Variants in SEPHS1 observed in about 807,000 individuals in gnomAD.
SEPHS1 encodes selenophosphate synthetase 1.
In SEPHS1, 7 loss-of-function variants were observed where a neutral mutation model predicts 39.2. The ratio of observed to expected loss-of-function variants is 0.18; its 90% CI spans 0.10 to 0.34. The LOEUF is 0.34. Ranked by LOEUF, SEPHS1 falls within the 10% of genes least tolerant of loss-of-function variation. The pLI is 1.00. For missense variants in SEPHS1, 253 were observed against 514.5 expected (o/e 0.49, Z 4.92); for synonymous variants, 190 against 195.5 (o/e 0.97, Z 0.23).
intron 7 of SEPHS1, among the ~76,000 whole-genome samples, chr10:13,325,000 T>C (rs548640676): frequency 6.6e-5 from 10 of 152,344 alleles, no homozygotes; most frequent in Non-Finnish European, 1.0e-4. Context: ...GGGCCATGTT[T>C]AAATTGAGTT....
chr10:13,331,033 G>A (rs1336398519), intron 5 of SEPHS1, among the ~76,000 whole-genome samples: 2 of 151,950 alleles, frequency 1.3e-5, no homozygotes, highest in Non-Finnish European at 2.9e-5. Flanking sequence ...CCCGCCCTGT[G>A]TCCAAGTGTT....
chr10:13,342,629 CAT>C (rs1833825200), intron 2 of SEPHS1, among the ~76,000 whole-genome samples: 1 of 152,082 alleles, frequency 6.6e-6, no homozygotes. Flanking sequence ...ACATATATAC[CAT>C]ATATACTTGT....
intron 2 of SEPHS1, 159 bp from the exon 3 acceptor site, chr10:13,338,967 T>C: frequency 1.6e-6 from 1 of 633,860 alleles, no homozygotes; most frequent in South Asian, 1.9e-5. Flanking sequence ...GTAACTGAAA[T>C]AAACGTGAAA....
chr10:13,321,077 C>G (rs1588530847), intron 8 of SEPHS1, among the ~76,000 whole-genome samples: 1 of 151,998 alleles, frequency 6.6e-6, no homozygotes, highest in South Asian at 2.1e-4. Context: ...AGTCCTGAAG[C>G]CCCCTCGCCA....
At chr10:13,342,000 C>T (rs1247928334) in intron 2 of SEPHS1, among the ~76,000 whole-genome samples, 1 of 146,286 alleles carries the variant, frequency 6.8e-6, no homozygotes, top group African/African-American at 2.5e-5. Flanking sequence ...AAAAAGATGG[C>T]GGGGCGCGGT....
chr10:13,347,820 A>G (rs1432811610), intron 1 of SEPHS1, among the ~76,000 whole-genome samples, 180 bp downstream of exon 1: 3 of 134,462 alleles, frequency 2.2e-5, no homozygotes, highest in Non-Finnish European at 4.8e-5. Flanking sequence ...TCTTTTTTAA[A>G]GCGGCCCCAC....
chr10:13,333,484 AGGCTAGAGTGCAGG>A (rs1239502880), intron 5 of SEPHS1, among the ~76,000 whole-genome samples: 1 of 150,792 alleles, frequency 6.6e-6, no homozygotes, highest in Non-Finnish European at 1.5e-5. Flanking sequence ...TCTGTTGCCC[AGGCTAGAGTGCAGG>A]GGCATGATCT....
chr10:13,346,376 C>A (rs901364240), intron 1 of SEPHS1, among the ~76,000 whole-genome samples: 4 of 152,148 alleles, frequency 2.6e-5, no homozygotes, highest in African/African-American at 9.7e-5. Flanking sequence ...TAGAGTTTTC[C>A]ATCCCTTGGG....
At chr10:13,342,614 C>T (rs1833824684) in intron 2 of SEPHS1, among the ~76,000 whole-genome samples, 1 of 152,140 alleles carries the variant, frequency 6.6e-6, no homozygotes, top group Non-Finnish European at 1.5e-5. Flanking sequence ...GTCAAAAACA[C>T]CCATACATAT....
At chr10:13,342,609 A>T (rs1021790305) in intron 2 of SEPHS1, among the ~76,000 whole-genome samples, 1 of 152,206 alleles carries the variant, frequency 6.6e-6, no homozygotes, top group Non-Finnish European at 1.5e-5. Context: ...AAAAGGTCAA[A>T]AACACCCATA....
At chr10:13,323,637 G>A (rs1333752240) in intron 7 of SEPHS1, among the ~76,000 whole-genome samples, 1 of 152,164 alleles carries the variant, frequency 6.6e-6, no homozygotes, top group East Asian at 1.9e-4. Flanking sequence ...ACAGATGTGA[G>A]CCACCACACC....
intron 8 of SEPHS1, chr10:13,322,202 C>T (rs1283102398): frequency 3.7e-5 from 13 of 347,058 alleles, no homozygotes; most frequent in East Asian, 8.6e-5. Flanking sequence ...AGTGCAGTGG[C>T]GCAATCTCGG....
chr10:13,329,855 C>T (rs61851591), intron 5 of SEPHS1, 67 bp from the exon 6 acceptor site: 1 of 1,257,632 alleles, frequency 8.0e-7, no homozygotes, highest in Non-Finnish European at 1.1e-6. Flanking sequence ...GTTATTAACA[C>T]AAGAGAAGGA....
chr10:13,333,178 G>A (rs1833520692), intron 5 of SEPHS1, among the ~76,000 whole-genome samples: 1 of 150,682 alleles, frequency 6.6e-6, no homozygotes, highest in Admixed American at 6.6e-5. Context: ...TTGTTGCCCA[G>A]GCTGGAGTGC....
Position 13,336,281 on chromosome 10 carries a change from G to C in SEPHS1, c.367C>G (p.Leu123Val). Residue 123 changes from leucine (L) to valine (V), a missense_variant, in exon 4 of 9, where the codon CTG becomes GTG. Coordinates refer to ENST00000327347, the MANE Select transcript of SEPHS1 (RefSeq NM_012247.5). ...TTATTACTGACTCCAAGGAGCATCA[G>C]CATATTGTCACATTCCGTGACCCCC... is the stretch of plus-strand genomic sequence containing the variant. ...AMGVTECDNM[L>V]MLLGVSNKMT... is the part of the protein sequence containing the mutation. 6.2e-7 allele frequency: 1 copy of C among 1,613,944 alleles called. No individual in the cohort carries two copies. Among genetic ancestry groups the C allele is most frequent in the Non-Finnish European group, 8.5e-7 (1 of 1,179,826 alleles).
chr10:13,335,863 C>T (rs1833613235), intron 4 of SEPHS1, among the ~76,000 whole-genome samples: 2 of 151,046 alleles, frequency 1.3e-5, no homozygotes, highest in South Asian at 4.2e-4. Flanking sequence ...GCCTGTAATC[C>T]CAGCTACTTG....
At chr10:13,341,142 G>A (rs2130691137) in intron 2 of SEPHS1, among the ~76,000 whole-genome samples, 1 of 152,252 alleles carries the variant, frequency 6.6e-6, no homozygotes, top group Admixed American at 6.5e-5. Flanking sequence ...CTGGTCTACA[G>A]TGATTGGTTT....
intron 5 of SEPHS1, 128 bp from the exon 6 acceptor site, chr10:13,329,916 A>G: frequency 1.3e-6 from 1 of 764,226 alleles, no homozygotes; most frequent in Non-Finnish European, 2.2e-6. Context: ...ATTGAAGCCA[A>G]CTACCAGCAT....
In SEPHS1 at chr10:13,343,713, C is replaced by T. The variant is rs1168984457; in HGVS notation, c.193+1045G>A. Among the ~76,000 whole-genome samples, 6 of 152,156 alleles carry T rather than the reference C, an allele frequency of 3.9e-5. No individual in the cohort carries two copies. The South Asian group carries it at 1.0e-3, about 26-fold the overall frequency. On this transcript the variant is annotated intron_variant, in intron 2 of 8. Transcript: ENST00000327347. ...CCTATAATCCCAGCTACTCAAGAGG[C>T]TGAGGCAGAAGAATCGCATGAACCC... is the stretch of plus-strand genomic sequence containing the variant.
Sources: gnomAD v4.1 joint callset for allele counts (sites outside exome capture counted in the v4.1 genomes callset) on GRCh38, gnomAD v4.1.1 for gene constraint, MANE v1.5 for transcripts, NCBI Gene and HGNC (gene_info 2026-07-23, HGNC 2026-07-21) for gene names.